Variants in EML6 observed in about 807,000 individuals in gnomAD.
EML6 encodes the protein echinoderm microtubule-associated protein-like 6.
Under a neutral mutation model 240.1 loss-of-function variants are expected in EML6, and 154 were observed. The observed-to-expected ratio is 0.64, with a 90% confidence interval of 0.56 to 0.73. The LOEUF (loss-of-function observed/expected upper bound fraction) is 0.73. EML6 is among the 30% of genes least tolerant of loss of function. The pLI, the probability that EML6 is intolerant of heterozygous loss-of-function variation, is 0.00. For synonymous variants in EML6, 1,148 were observed against 899.0 expected (o/e 1.28, Z -4.95); for missense variants, 2,964 against 2,474.6 (o/e 1.20, Z -4.20).
chr2:54,939,498 C>G (rs148948868), intron 28 of EML6, among the ~76,000 whole-genome samples: 1 of 152,196 alleles, frequency 6.6e-6, no homozygotes, highest in African/African-American at 2.4e-5. Flanking sequence ...TCCCCATGGA[C>G]GAGGACTCAT....
intron 6 of EML6, 65 bp downstream of exon 6, chr2:54,827,816 C>G: frequency 8.8e-7 from 1 of 1,135,900 alleles, no homozygotes; most frequent in Non-Finnish European, 1.3e-6. Context: ...CGAATCCCTC[C>G]CTGTATGTTT....
chr2:54,770,982 A>G (rs114769425), intron 2 of EML6, among the ~76,000 whole-genome samples: 36 of 152,274 alleles, frequency 2.4e-4, no homozygotes, highest in African/African-American at 8.7e-4. Context: ...AGAGAGGAGC[A>G]GGTTTAATGT....
At chr2:54,938,928 C>T (rs1319613111) in intron 28 of EML6, among the ~76,000 whole-genome samples, 1 of 152,080 alleles carries the variant, frequency 6.6e-6, no homozygotes, top group East Asian at 1.9e-4. Flanking sequence ...AATCACAGGC[C>T]CTTGCTGTTG....
intron 28 of EML6, among the ~76,000 whole-genome samples, chr2:54,931,660 C>T (rs1674872167): frequency 6.6e-6 from 1 of 152,176 alleles, no homozygotes; most frequent in Non-Finnish European, 1.5e-5. Flanking sequence ...ATTCTGTATA[C>T]CTGGGTGCTT....
intron 7 of EML6, among the ~76,000 whole-genome samples, chr2:54,843,332 G>A (rs1219099076): frequency 1.3e-5 from 2 of 152,146 alleles, no homozygotes; most frequent in Non-Finnish European, 2.9e-5. Flanking sequence ...GGAGGGTGAA[G>A]CAGGAGGATT....
intron 24 of EML6, among the ~76,000 whole-genome samples, chr2:54,909,036 C>G (rs1673498836): frequency 2.6e-5 from 4 of 152,192 alleles, no homozygotes; most frequent in Admixed American, 2.6e-4. Flanking sequence ...AGAGATTTTT[C>G]TCATTTTTGG....
chr2:54,787,295 TGG>T (rs11329528), intron 2 of EML6, among the ~76,000 whole-genome samples: 15 of 151,414 alleles, frequency 9.9e-5, no homozygotes, highest in East Asian at 5.8e-4. Flanking sequence ...GGGTGAGGGT[TGG>T]GGGGGGGTCT....
At chr2:54,852,016 T>C (rs1670117171) in intron 10 of EML6, among the ~76,000 whole-genome samples, 1 of 152,204 alleles carries the variant, frequency 6.6e-6, no homozygotes, top group South Asian at 2.1e-4. Context: ...CTGGGAGTAT[T>C]AGAAACTCTG....
At chr2:54,821,117 G>A (rs901126697) in intron 5 of EML6, among the ~76,000 whole-genome samples, 2 of 152,092 alleles carry the variant, frequency 1.3e-5, no homozygotes, top group African/African-American at 2.4e-5. Flanking sequence ...CGTAAATAAT[G>A]TAAGTTAAAG....
chr2:54,966,045 C>G (rs187732780), intron 38 of EML6, among the ~76,000 whole-genome samples: 1 of 152,350 alleles, frequency 6.6e-6, no homozygotes, highest in East Asian at 1.9e-4. Context: ...AGATCTCTTT[C>G]ACTGTCTCAA....
intron 2 of EML6, among the ~76,000 whole-genome samples, chr2:54,809,403 T>C (rs1016093327): frequency 6.6e-6 from 1 of 152,180 alleles, no homozygotes; most frequent in African/African-American, 2.4e-5. Flanking sequence ...TAGTTGGCCA[T>C]TTCTCATGAG....
At chr2:54,924,821 C>T (rs1352558842) in intron 26 of EML6, among the ~76,000 whole-genome samples, 3 of 152,126 alleles carry the variant, frequency 2.0e-5, no homozygotes, top group Non-Finnish European at 4.4e-5. Context: ...CCTTGGCCTC[C>T]CAAAGTGCTG....
At position 54,889,520 on chromosome 2, in the gene EML6, C is replaced by T. The variant is rs146933999; in HGVS notation, c.2439-1534C>T. On this transcript the variant is annotated intron_variant, in intron 17 of 41. Transcript: ENST00000356458. ...CTTCACTTTTATGTTACATGTATCT[C>T]GTTGAGTTTATGCCTTGTTATTTTT... is the stretch of plus-strand genomic sequence containing the variant. Among the ~76,000 whole-genome samples the T allele has an allele frequency of 3.5e-4, 51 of 145,492 alleles. No homozygotes were observed. The East Asian group carries it at 9.2e-3, about 26-fold the overall frequency.
At position 54,903,024 on chromosome 2, in the gene EML6, T is replaced by C; in HGVS notation, c.3125-20T>C. On this transcript the variant is annotated intron_variant, in intron 22 of 41. Transcript: ENST00000356458. ...AGTGAAGTTTTGGATAATAAGTGTT[T>C]TTTGTGGATTCTTCTGTAGGTGGAA... is the stretch of plus-strand genomic sequence containing the variant. The C allele has an allele frequency of 6.5e-7, 1 of 1,545,532 alleles. No individual in the cohort carries two copies. Among genetic ancestry groups the C allele is most frequent in the South Asian group, 1.2e-5 (1 of 82,500 alleles).
intron 2 of EML6, among the ~76,000 whole-genome samples, chr2:54,802,654 C>CTAG (rs1670225865): frequency 6.7e-6 from 1 of 149,546 alleles, no homozygotes; most frequent in African/African-American, 2.5e-5. Context: ...ACTACTACTA[C>CTAG]TACTACTACT....
intron 2 of EML6, among the ~76,000 whole-genome samples, chr2:54,737,446 G>A (rs974779222): frequency 6.6e-6 from 1 of 152,118 alleles, no homozygotes; most frequent in Non-Finnish European, 1.5e-5. Flanking sequence ...TTATAGGCAT[G>A]CGCCACCGTG....
intron 30 of EML6, among the ~76,000 whole-genome samples, chr2:54,952,356 G>A (rs1676024735): frequency 6.6e-6 from 1 of 152,126 alleles, no homozygotes; most frequent in Admixed American, 6.5e-5. Flanking sequence ...TCGAAGAGCA[G>A]CTTGAGTGTA....
At chr2:54,741,739 G>A (rs1257735657) in intron 2 of EML6, among the ~76,000 whole-genome samples, 1 of 152,160 alleles carries the variant, frequency 6.6e-6, no homozygotes, top group Non-Finnish European at 1.5e-5. Context: ...TTCCATTGGC[G>A]ACATCTGGGA....
At chr2:54,961,595 G>A (rs1278521448) in intron 35 of EML6, among the ~76,000 whole-genome samples, 1 of 152,140 alleles carries the variant, frequency 6.6e-6, no homozygotes, top group Admixed American at 6.5e-5. Flanking sequence ...TATTCTGGCA[G>A]AGGCTGGGTG....
Sources: gnomAD v4.1 joint callset for allele counts (sites outside exome capture counted in the v4.1 genomes callset) on GRCh38, gnomAD v4.1.1 for gene constraint, MANE v1.5 for transcripts, NCBI Gene and HGNC (gene_info 2026-07-23, HGNC 2026-07-21) for gene names.